Variants in NR1H4 observed in about 807,000 individuals in gnomAD.
NR1H4 encodes the protein nuclear receptor subfamily 1 group H member 4.
NR1H4 carries 23 observed loss-of-function variants against 58.5 expected under a neutral mutation model. That is an observed-to-expected ratio of 0.39 (90% CI 0.28 to 0.56). The LOEUF is 0.56. Among genes scored for constraint, NR1H4 ranks in the 20% least tolerant of loss-of-function variants. The pLI is 0.58. For synonymous variants in NR1H4, 214 were observed against 198.0 expected, an observed-to-expected ratio of 1.08 and a Z score of -0.68; for missense variants, 487 against 576.9, an observed-to-expected ratio of 0.84 and a Z score of 1.60.
intron 5 of NR1H4, among the ~76,000 whole-genome samples, chr12:100,534,160 TG>T (rs1323999288): frequency 6.6e-6 from 1 of 152,234 alleles, no homozygotes; most frequent in Non-Finnish European, 1.5e-5. Flanking sequence ...CCCAAAGTGC[TG>T]GGATTACAGG....
intron 1 of NR1H4, among the ~76,000 whole-genome samples, chr12:100,476,165 C>A (rs1803550672): frequency 1.3e-5 from 2 of 152,152 alleles, no homozygotes; most frequent in South Asian, 4.1e-4. Flanking sequence ...GACTCCAAAG[C>A]CTCTTCCTGG....
Position 100,510,937 on chromosome 12 carries a change from G to A in NR1H4, c.239G>A (p.Trp80Ter). 2 of 1,614,128 alleles carry A rather than the reference G, an allele frequency of 1.2e-6. No homozygotes were observed. The highest frequency in any genetic ancestry group is 1.7e-6 in the Non-Finnish European group (2 of 1,179,996). ...TTCTACCCCCAGCAGCCTGAAGAGT[G>A]GTACTCTCCTGGAATATATGAACTC... Reference protein sequence around the residue: ...LGFYPQQPEEWYSPGIYELRR... With the variant: ...LGFYPQQPEE The change falls in exon 4 of 11, where the codon TGG (tryptophan) becomes TAG (stop). Residue 80 changes from tryptophan to a stop codon, truncating the protein, a stop_gained. Coordinates refer to ENST00000392986, the MANE Select transcript of NR1H4 (RefSeq NM_001206979.2). LOFTEE classifies it high-confidence loss of function.
intron 4 of NR1H4, among the ~76,000 whole-genome samples, chr12:100,521,461 C>T (rs1162186828): frequency 2.0e-5 from 3 of 152,184 alleles, no homozygotes; most frequent in African/African-American, 7.2e-5. Flanking sequence ...CCTCAACCAA[C>T]AAAACTGATC....
chr12:100,535,673 T>C (rs1375034672), intron 6 of NR1H4, among the ~76,000 whole-genome samples: 1 of 152,250 alleles, frequency 6.6e-6, no homozygotes, highest in African/African-American at 2.4e-5. Context: ...GAAAACTTTA[T>C]CCACATTTAG....
intron 3 of NR1H4, among the ~76,000 whole-genome samples, chr12:100,507,539 T>C (rs1196635988): frequency 6.6e-6 from 1 of 152,192 alleles, no homozygotes; most frequent in Non-Finnish European, 1.5e-5. Context: ...CTCGGCTCAC[T>C]ACAACCACCA....
chr12:100,558,204 CAAA>C (rs569114964), intron 9 of NR1H4, among the ~76,000 whole-genome samples: 7 of 84,802 alleles, frequency 8.3e-5, no homozygotes, highest in Admixed American at 1.4e-4. Context: ...ACTAAAAATA[CAAA>C]AAAAAAAAAA....
chr12:100,506,841 C>T (rs1352040258), intron 3 of NR1H4, among the ~76,000 whole-genome samples: 3 of 152,170 alleles, frequency 2.0e-5, no homozygotes, highest in African/African-American at 4.8e-5. Context: ...TTATTGTGTA[C>T]GGTTCTCATA....
intron 4 of NR1H4, among the ~76,000 whole-genome samples, chr12:100,528,111 A>G (rs1954607256): frequency 6.6e-6 from 1 of 152,210 alleles, no homozygotes. Flanking sequence ...AAGTTTTACA[A>G]CATCAACCAA....
chr12:100,523,092 A>G (rs977206028), intron 4 of NR1H4, among the ~76,000 whole-genome samples: 8 of 152,184 alleles, frequency 5.3e-5, no homozygotes, highest in African/African-American at 1.9e-4. Context: ...TGCTGGATCG[A>G]ATGGTAGATC....
chr12:100,551,851 T>C (rs1215747475), intron 9 of NR1H4, among the ~76,000 whole-genome samples: 1 of 152,234 alleles, frequency 6.6e-6, no homozygotes, highest in Non-Finnish European at 1.5e-5. Context: ...ATATAACCTA[T>C]GTACATCCTG....
At chr12:100,505,029 G>C (rs567941947) in intron 3 of NR1H4, among the ~76,000 whole-genome samples, 74 of 151,958 alleles carry the variant, frequency 4.9e-4, no homozygotes, top group African/African-American at 1.8e-3. Context: ...CTGATGCCAG[G>C]AACAGCAAAC....
chr12:100,497,010 G>A (rs1953729935), intron 3 of NR1H4, among the ~76,000 whole-genome samples: 1 of 152,110 alleles, frequency 6.6e-6, no homozygotes, highest in Admixed American at 6.6e-5. Flanking sequence ...GGCAGTTTAT[G>A]TGAGACATGA....
intron 9 of NR1H4, among the ~76,000 whole-genome samples, chr12:100,548,184 G>A (rs1193632826): frequency 7.3e-5 from 11 of 149,854 alleles, no homozygotes; most frequent in Non-Finnish European, 1.0e-4. Context: ...TGGCTAACAT[G>A]GTGAAACCCC....
intron 9 of NR1H4, among the ~76,000 whole-genome samples, chr12:100,544,689 A>G (rs541500046): frequency 6.6e-6 from 1 of 152,256 alleles, no homozygotes; most frequent in South Asian, 2.1e-4. Flanking sequence ...TCTGTGGAAT[A>G]ACGAAAAAAA....
chr12:100,542,665 A>G (rs1381031093), intron 9 of NR1H4, among the ~76,000 whole-genome samples: 2 of 152,208 alleles, frequency 1.3e-5, no homozygotes, highest in African/African-American at 4.8e-5. Flanking sequence ...TAAAACCGAT[A>G]TTTTAAGATA....
chr12:100,511,177 G>A, intron 4 of NR1H4, 34 bp downstream of exon 4: 2 of 1,614,032 alleles, frequency 1.2e-6, no homozygotes, highest in Non-Finnish European at 1.7e-6. Flanking sequence ...TTCTCCTTCA[G>A]GTTTTACTAT....
chr12:100,540,846 G>A (rs778065498), intron 9 of NR1H4, 28 bp downstream of exon 9: 3 of 1,613,126 alleles, frequency 1.9e-6, no homozygotes, highest in East Asian at 2.2e-5. Context: ...TGGTAAAAGA[G>A]TTTGTTTCTA....
intron 1 of NR1H4, among the ~76,000 whole-genome samples, chr12:100,475,996 A>G (rs543191526): frequency 2.0e-5 from 3 of 152,250 alleles, no homozygotes; most frequent in East Asian, 1.9e-4. Flanking sequence ...GGCTTCCCAG[A>G]GTGCTAGGAT....
intron 4 of NR1H4, among the ~76,000 whole-genome samples, chr12:100,523,162 A>C (rs976485392): frequency 6.6e-6 from 1 of 152,198 alleles, no homozygotes; most frequent in African/African-American, 2.4e-5. Context: ...ACTAATTTAC[A>C]TTCTCACCAA....
Sources: gnomAD v4.1 joint callset for allele counts (sites outside exome capture counted in the v4.1 genomes callset) on GRCh38, gnomAD v4.1.1 for gene constraint, MANE v1.5 for transcripts, NCBI Gene and HGNC (gene_info 2026-07-23, HGNC 2026-07-21) for gene names.